The following BID variants were observed in gnomAD, a reference collection of about 807,000 sequenced individuals.
BID encodes BH3-interacting domain death agonist.
In BID, 19 loss-of-function variants were observed where a neutral mutation model predicts 17.4. That is an observed-to-expected ratio of 1.09 (90% CI 0.76 to 1.60). The LOEUF (loss-of-function observed/expected upper bound fraction) is 1.60, where lower values mean the gene tolerates loss of function less well. BID is among the 40% of genes most tolerant of loss of function. The pLI is 0.00. For missense variants in BID, 226 were observed against 256.0 expected, an observed-to-expected ratio of 0.88 and a Z score of 0.80; for synonymous variants, 108 against 102.8, an observed-to-expected ratio of 1.05 and a Z score of -0.31.
At chr22:17,752,675 T>TC in intron 1 of BID, among the ~76,000 whole-genome samples, 1 of 151,988 alleles carries the variant, frequency 6.6e-6, no homozygotes, top group East Asian at 1.9e-4. Context: ...TGGGACATTT[T>TC]TTTTTTTTGA....
At chr22:17,767,960 C>G (rs1213074546) in intron 1 of BID, among the ~76,000 whole-genome samples, 1 of 152,176 alleles carries the variant, frequency 6.6e-6, no homozygotes, top group Non-Finnish European at 1.5e-5. Flanking sequence ...AACATTGACA[C>G]CTACTGTAAC....
At chr22:17,753,268 C>A (rs8139082) in intron 1 of BID, among the ~76,000 whole-genome samples, 12 of 152,130 alleles carry the variant, frequency 7.9e-5, no homozygotes, top group African/African-American at 2.7e-4. Flanking sequence ...GCCCAGCCCC[C>A]CAATGGGACA....
chr22:17,752,954 C>T (rs1332672412), intron 1 of BID, among the ~76,000 whole-genome samples: 5 of 139,628 alleles, frequency 3.6e-5, no homozygotes, highest in Admixed American at 7.6e-5. Context: ...CATGAGCCAC[C>T]GCGCCCAGTC....
intron 3 of BID, 136 bp downstream of exon 3, chr22:17,743,667 G>T: frequency 1.2e-6 from 1 of 851,298 alleles, no homozygotes; most frequent in Non-Finnish European, 1.8e-6. Flanking sequence ...GTGATTAAGT[G>T]ATACCAGCGT....
chr22:17,744,138 G>A (rs2061479950), intron 2 of BID, 125 bp from the exon 3 acceptor site: 2 of 841,626 alleles, frequency 2.4e-6, no homozygotes, highest in Admixed American at 5.0e-5. Flanking sequence ...GGACCCTGTG[G>A]GCTGGAGGGC....
Position 17,735,316 on chromosome 22 carries a change from TA to T in BID, c.*263del. On this transcript the variant is annotated 3_prime_UTR_variant, in exon 6 of 6. Coordinates refer to ENST00000622694, the MANE Select transcript of BID (RefSeq NM_001196.4). ...GAAATAAAGGCACCGTGTGTAGATT[TA>T]CAGATGTGCAGATTCATGTGTGGAT... 1.5e-4 allele frequency: 72 copies of T among 485,402 alleles called. No homozygotes were observed. Among genetic ancestry groups the T allele is most frequent in the South Asian group, 4.8e-4 (16 of 33,638 alleles). 30.1% of individuals were successfully genotyped at this position (485,402 alleles called of 1,614,324 possible).
chr22:17,774,046 C>T (rs953546414), intron 1 of BID: 7 of 366,026 alleles, frequency 1.9e-5, no homozygotes, highest in Admixed American at 4.6e-5. Flanking sequence ...GCCCCTCCCC[C>T]TCCCCGCGCC....
intron 2 of BID, among the ~76,000 whole-genome samples, 153 bp from the exon 3 acceptor site, chr22:17,744,166 C>T (rs781725256): frequency 2.0e-5 from 3 of 152,178 alleles, no homozygotes; most frequent in Non-Finnish European, 4.4e-5. Context: ...GAGGTCTCAA[C>T]AGGCAGAGGC....
chr22:17,748,156 C>T (rs1281749368), intron 2 of BID, among the ~76,000 whole-genome samples: 2 of 149,196 alleles, frequency 1.3e-5, no homozygotes, highest in Admixed American at 6.7e-5. Context: ...TGGCAGTGAG[C>T]GGAGATCACA....
At chr22:17,770,233 C>G (rs1281215221) in intron 1 of BID, among the ~76,000 whole-genome samples, 1 of 152,140 alleles carries the variant, frequency 6.6e-6, no homozygotes, top group Non-Finnish European at 1.5e-5. Context: ...TCACGCACTC[C>G]CAGCCCAGAG....
rs535728947 is a variant in BID at position 17,751,476 on chromosome 22, C to CGT, written c.-58-1304_-58-1303dup. On this transcript the variant is annotated intron_variant, in intron 1 of 5. Transcript: ENST00000622694. ...ATTTGCCTGTGTGTGTGTGTGTGTG[C>CGT]GTGTGTGTGTGTAGACACAATATCA... 3.1e-4 allele frequency among the ~76,000 whole-genome samples: 47 copies of CGT among 150,624 alleles called. No individual in the cohort carries two copies. The East Asian group carries it at 4.1e-3, about 13-fold the overall frequency.
intron 1 of BID, among the ~76,000 whole-genome samples, chr22:17,756,808 T>G (rs1470212746): frequency 1.3e-5 from 2 of 151,910 alleles, no homozygotes; most frequent in African/African-American, 4.8e-5. Context: ...ACTCCTGACC[T>G]TGCGATCCGC....
chr22:17,747,432 T>C (rs1277936821), intron 2 of BID, among the ~76,000 whole-genome samples: 1 of 152,176 alleles, frequency 6.6e-6, no homozygotes, highest in Non-Finnish European at 1.5e-5. Flanking sequence ...TGGATTCTCC[T>C]GCCTCAGCCT....
chr22:17,774,022 C>T (rs2061741026), intron 1 of BID: 3 of 425,004 alleles, frequency 7.1e-6, no homozygotes, highest in African/African-American at 2.1e-5. Flanking sequence ...TTCTCCTCTC[C>T]GGGGCTGGCC....
chr22:17,768,478 G>A (rs1250301975), intron 1 of BID, among the ~76,000 whole-genome samples: 1 of 152,204 alleles, frequency 6.6e-6, no homozygotes, highest in Non-Finnish European at 1.5e-5. Flanking sequence ...ATGGTGGATG[G>A]CAGGGGAAGG....
In BID at chr22:17,743,789, G is replaced by A; in HGVS notation, c.223+14C>T. ...AGCCCAGCTTTGGGGAAGGAGGTGG[G>A]GCCGGCCGCCTACCTGCCTCTATTC... On this transcript the variant is annotated intron_variant, in intron 3 of 5. Coordinates refer to ENST00000622694, the MANE Select transcript of BID (RefSeq NM_001196.4). The A allele has an allele frequency of 1.2e-6, 2 of 1,602,368 alleles. No homozygotes were observed. The highest frequency in any genetic ancestry group is 1.7e-6 in the Non-Finnish European group (2 of 1,174,760).
Position 17,773,352 on chromosome 22 carries a change from C to T in BID, c.-59+1029G>A, listed in dbSNP as rs1490622287. Among the ~76,000 whole-genome samples the T allele has an allele frequency of 6.6e-6, 1 of 152,160 alleles. No homozygotes were observed. Among genetic ancestry groups the T allele is most frequent in the Non-Finnish European group, 1.5e-5 (1 of 68,010 alleles). On this transcript the variant is annotated intron_variant, in intron 1 of 5. Coordinates refer to ENST00000622694, the MANE Select transcript of BID (RefSeq NM_001196.4). The surrounding 1 kb of genome is among the most constrained non-coding windows in gnomAD (Gnocchi z 4.4). ...GGGACTGCAGGGCCCCAGGACGGCA[C>T]ACATTCAGGCCCAGGAGAGCTCCCC...
chr22:17,766,530 C>G (rs1320176033), intron 1 of BID, among the ~76,000 whole-genome samples: 4 of 152,120 alleles, frequency 2.6e-5, no homozygotes, highest in Non-Finnish European at 5.9e-5. Flanking sequence ...ATCGACCCGC[C>G]TCGGCCTCCC....
Position 17,740,153 on chromosome 22 carries a change from T to C in BID, c.224-665A>G, listed in dbSNP as rs542613308. The C allele has an allele frequency of 1.9e-6, 3 of 1,612,232 alleles. No homozygotes were observed. The African/African-American group carries it at 4.0e-5, about 21-fold the overall frequency. On this transcript the variant is annotated intron_variant, in intron 3 of 5. Transcript: ENST00000622694. Reference sequence around the variant, plus strand: ...GCCGCCTCCGTTTCTTCCTCAGCACTTGCTGTGTTATTGTCTGACGCCCCT... The same window carrying C: ...GCCGCCTCCGTTTCTTCCTCAGCACCTGCTGTGTTATTGTCTGACGCCCCT...
Sources: gnomAD v4.1 joint callset for allele counts (sites outside exome capture counted in the v4.1 genomes callset) on GRCh38, gnomAD v4.1.1 for gene constraint, Gnocchi (gnomAD v3.1) non-coding constraint, MANE v1.5 for transcripts, NCBI Gene and HGNC (gene_info 2026-07-23, HGNC 2026-07-21) for gene names.